Variants in PRKN observed in about 807,000 individuals in gnomAD.
The protein encoded by PRKN is E3 ubiquitin-protein ligase parkin.
Under a neutral mutation model 59.5 loss-of-function variants are expected in PRKN, and 56 were observed. That is an observed-to-expected ratio of 0.94 (90% CI 0.76 to 1.18). PRKN has a LOEUF of 1.18. Among genes scored for constraint, PRKN ranks in the 50% most tolerant of loss-of-function variants. The probability of loss-of-function intolerance (pLI) is 0.00; values close to 1 mark genes in which losing one functional copy is unlikely to be tolerated. For synonymous variants in PRKN, 250 were observed against 222.1 expected (o/e 1.13, Z -1.12); for missense variants, 657 against 596.4 (o/e 1.10, Z -1.06).
In PRKN at chr6:161,562,970, T is replaced by C. The variant is rs1780511268; in HGVS notation, c.933+6385A>G. Among the ~76,000 whole-genome samples the C allele has an allele frequency of 6.6e-6, 1 of 152,158 alleles. No homozygotes were observed. Among genetic ancestry groups the C allele is most frequent in the Non-Finnish European group, 1.5e-5 (1 of 68,018 alleles). ...GTCCTTGGTCCAGGTGGCCTTCATC[T>C]TTTGGCACTGTCCTTCCTGCTCAGT... On this transcript the variant is annotated intron_variant, in intron 8 of 11. Transcript: ENST00000366898. The surrounding 1 kb of genome is among the most constrained non-coding windows in gnomAD (Gnocchi z 4.3).
At chr6:161,765,571 T>A (rs1056470871) in intron 7 of PRKN, among the ~76,000 whole-genome samples, 1 of 152,188 alleles carries the variant, frequency 6.6e-6, no homozygotes, top group Non-Finnish European at 1.5e-5. Flanking sequence ...TCTATTGATA[T>A]GATGATAGCT....
At chr6:162,712,320 G>A (rs1425769539) in intron 1 of PRKN, among the ~76,000 whole-genome samples, 2 of 152,188 alleles carry the variant, frequency 1.3e-5, no homozygotes, top group South Asian at 4.1e-4. Flanking sequence ...TCTCAGGACT[G>A]TTTATACATC....
intron 4 of PRKN, among the ~76,000 whole-genome samples, chr6:162,153,821 GTCC>G (rs1782381401): frequency 1.3e-5 from 2 of 152,044 alleles, no homozygotes; most frequent in African/African-American, 4.8e-5. Flanking sequence ...TCTCCCCAAT[GTCC>G]AGCCATTTCC....
In PRKN at chr6:161,393,314, T is replaced by C. The variant is rs1051976486; in HGVS notation, c.1084-6437A>G. 6.6e-6 allele frequency among the ~76,000 whole-genome samples: 1 copy of C among 152,232 alleles called. No individual in the cohort carries two copies. Among genetic ancestry groups the C allele is most frequent in the Middle Eastern group, 3.4e-3 (1 of 294 alleles). The stretch of plus-strand genomic sequence containing the variant: ...AGTATACTGATAATAATGACTGTTA[T>C]GTGAATCTCGGGTAAAACTGACACC... On this transcript the variant is annotated intron_variant, in intron 9 of 11. Transcript: ENST00000366898. The surrounding 1 kb of genome is among the most constrained non-coding windows in gnomAD (Gnocchi z 4.7).
chr6:161,640,688 A>C (rs1783706926), intron 7 of PRKN, among the ~76,000 whole-genome samples: 1 of 152,132 alleles, frequency 6.6e-6, no homozygotes, highest in South Asian at 2.1e-4. Flanking sequence ...TCTTTCAGGA[A>C]AGGAAAGACA....
At position 161,456,221 on chromosome 6, in the gene PRKN, G is replaced by A. The variant is rs1385157070; in HGVS notation, c.1084-69344C>T. Among the ~76,000 whole-genome samples, 1 of 152,288 alleles carries A rather than the reference G, an allele frequency of 6.6e-6. No homozygotes were observed. The highest frequency in any genetic ancestry group is 1.5e-5 in the Non-Finnish European group (1 of 68,026). ...AGACCCACCCTCAGTCAGGATGGGC[G>A]AAATTGAATCGGCTGCCAGTGCAGC... On this transcript the variant is annotated intron_variant, in intron 9 of 11. Transcript: ENST00000366898. This position sits in a 1 kb window ranked among gnomAD's most constrained non-coding sequence, Gnocchi z 4.8.
intron 6 of PRKN, among the ~76,000 whole-genome samples, chr6:161,916,020 A>G (rs1396567033): frequency 6.6e-6 from 1 of 152,202 alleles, no homozygotes; most frequent in Non-Finnish European, 1.5e-5. Context: ...GAAAATAGCT[A>G]TGAATTTACT....
chr6:162,369,201 C>G (rs1785616480), intron 2 of PRKN, among the ~76,000 whole-genome samples: 1 of 152,138 alleles, frequency 6.6e-6, no homozygotes, highest in African/African-American at 2.4e-5. Context: ...AAACAGGAAA[C>G]TTTCTGGAAT....
chr6:162,297,596 A>G (rs1211292156), intron 2 of PRKN, among the ~76,000 whole-genome samples: 1 of 152,142 alleles, frequency 6.6e-6, no homozygotes, highest in East Asian at 1.9e-4. Context: ...TCCATCAGAA[A>G]ATATATTCAT....
Position 161,634,688 on chromosome 6 carries a change from T to A in PRKN, c.872-65272A>T, listed in dbSNP as rs533688708. ...TCCCAGGAGAGAAGAGCCGTGGAAT[T>A]TACCTGGAGATGCTCTGTCTTGGGC... On this transcript the variant is annotated intron_variant, in intron 7 of 11. Transcript: ENST00000366898. 1.6e-4 allele frequency among the ~76,000 whole-genome samples: 24 copies of A among 152,258 alleles called. 1 individual carries two copies. The highest frequency in any genetic ancestry group is 6.8e-3 in the Middle Eastern group (2 of 294).
intron 1 of PRKN, among the ~76,000 whole-genome samples, chr6:162,567,303 C>G (rs1042402921): frequency 1.4e-4 from 22 of 152,066 alleles, no homozygotes; most frequent in African/African-American, 5.3e-4. Flanking sequence ...TAAAAGGCAT[C>G]CAAATTGTAA....
chr6:162,235,366 A>G lies in PRKN; in HGVS notation c.412+27159T>C, dbSNP rs1778607452. On this transcript the variant is annotated intron_variant, in intron 3 of 11. Coordinates refer to ENST00000366898, the MANE Select transcript of PRKN (RefSeq NM_004562.3). The stretch of plus-strand genomic sequence containing the variant: ...TATGTGACTTGCAGCACTATCATAA[A>G]TGAGTCTTACGACATGCCTCCGTCA... Among the ~76,000 whole-genome samples the G allele has an allele frequency of 3.3e-5, 5 of 152,222 alleles. No homozygotes were observed. In the South Asian group the frequency reaches 1.0e-3, roughly 31 times the overall value.
At position 161,824,724 on chromosome 6, in the gene PRKN, C is replaced by A. The variant is rs139860917; in HGVS notation, c.735-38816G>T. 3.9e-5 allele frequency among the ~76,000 whole-genome samples: 6 copies of A among 152,272 alleles called. No individual in the cohort carries two copies. In the East Asian group the frequency reaches 9.6e-4, roughly 24 times the overall value. ...TGAACTGCGTGTAGCAATGAACAGGCCATTCAAGTATTTGCTAATTAACTA... is the reference window on the plus strand; with the variant it reads ...TGAACTGCGTGTAGCAATGAACAGGACATTCAAGTATTTGCTAATTAACTA... On this transcript the variant is annotated intron_variant, in intron 6 of 11. Coordinates refer to ENST00000366898, the MANE Select transcript of PRKN (RefSeq NM_004562.3).
intron 5 of PRKN, among the ~76,000 whole-genome samples, chr6:161,985,909 C>A (rs984239523): frequency 8.5e-5 from 13 of 152,184 alleles, no homozygotes; most frequent in Admixed American, 7.9e-4. Context: ...TTTGTCCACT[C>A]ATTTTGCCTT....
chr6:161,963,790 T>C, intron 6 of PRKN, among the ~76,000 whole-genome samples: 1 of 152,220 alleles, frequency 6.6e-6, no homozygotes, highest in East Asian at 1.9e-4. Flanking sequence ...TAAGTCAGCA[T>C]TTATTTAAAC....
chr6:161,555,370 A>G (rs139736538), intron 8 of PRKN, among the ~76,000 whole-genome samples: 63 of 152,282 alleles, frequency 4.1e-4, no homozygotes, highest in African/African-American at 1.4e-3. Flanking sequence ...CCTGTACGGG[A>G]CTGAACCTTG....
At chr6:162,612,072 A>G (rs893227804) in intron 1 of PRKN, among the ~76,000 whole-genome samples, 1 of 151,258 alleles carries the variant, frequency 6.6e-6, no homozygotes, top group East Asian at 2.0e-4. Context: ...GGGCGCCTGT[A>G]GTCCCAGCTA....
chr6:162,494,938 C>T (rs1322050150), intron 1 of PRKN, among the ~76,000 whole-genome samples: 1 of 152,170 alleles, frequency 6.6e-6, no homozygotes, highest in Non-Finnish European at 1.5e-5. Flanking sequence ...AGTACTTAAC[C>T]TCTCCCTCCA....
rs1789516346 is a variant in PRKN at position 161,446,910 on chromosome 6, C to T, written c.1084-60033G>A. 2.6e-5 allele frequency among the ~76,000 whole-genome samples: 4 copies of T among 152,174 alleles called. 1 individual carries two copies. The South Asian group carries it at 8.3e-4, about 32-fold the overall frequency. On this transcript the variant is annotated intron_variant, in intron 9 of 11. Coordinates refer to ENST00000366898, the MANE Select transcript of PRKN (RefSeq NM_004562.3). This position sits in a 1 kb window ranked among gnomAD's most constrained non-coding sequence, Gnocchi z 6.2. The stretch of plus-strand genomic sequence containing the variant: ...CCACTCCCTCAACCAAATATCCCTA[C>T]ATTCAGTTAAAAGCTACTCTGTACC...
Sources: gnomAD v4.1 joint callset for allele counts (sites outside exome capture counted in the v4.1 genomes callset) on GRCh38, gnomAD v4.1.1 for gene constraint, Gnocchi (gnomAD v3.1) non-coding constraint, MANE v1.5 for transcripts, NCBI Gene and HGNC (gene_info 2026-07-23, HGNC 2026-07-21) for gene names.